Variants in ERBB4 observed in about 807,000 individuals in gnomAD.
ERBB4 encodes the protein erb-b2 receptor tyrosine kinase 4, also known as receptor tyrosine-protein kinase erbB-4.
A neutral mutation model predicts 158.0 loss-of-function variants in ERBB4; 42 were observed. That is an observed-to-expected ratio of 0.27 (90% CI 0.21 to 0.34). ERBB4 has a LOEUF of 0.34. Among genes scored for constraint, ERBB4 ranks in the 10% least tolerant of loss-of-function variants. ERBB4 has a pLI of 1.00. For synonymous variants in ERBB4, 583 were observed against 558.7 expected, an observed-to-expected ratio of 1.04 and a Z score of -0.61; for missense variants, 1,333 against 1,624.1, an observed-to-expected ratio of 0.82 and a Z score of 3.08.
chr2:212,522,538 G>A (rs566055798), intron 1 of ERBB4, among the ~76,000 whole-genome samples: 2 of 152,002 alleles, frequency 1.3e-5, no homozygotes, highest in African/African-American at 4.8e-5. Flanking sequence ...TCTGTATAGG[G>A]GTAAGAGCTT....
At chr2:211,904,774 A>G (rs1161084992) in intron 3 of ERBB4, among the ~76,000 whole-genome samples, 2 of 152,134 alleles carry the variant, frequency 1.3e-5, no homozygotes, top group African/African-American at 4.8e-5. Flanking sequence ...GTGGTCACTG[A>G]CCAACAGAGA....
At chr2:212,005,249 A>G (rs1245207799) in intron 2 of ERBB4, among the ~76,000 whole-genome samples, 2 of 152,132 alleles carry the variant, frequency 1.3e-5, no homozygotes, top group Non-Finnish European at 2.9e-5. Context: ...CATAAAGCAG[A>G]ACTCGAAATT....
At chr2:211,896,585 A>T (rs1216160385) in intron 3 of ERBB4, among the ~76,000 whole-genome samples, 2 of 152,172 alleles carry the variant, frequency 1.3e-5, no homozygotes, top group Non-Finnish European at 2.9e-5. Flanking sequence ...TCTCCACAGC[A>T]GCATAAAATA....
chr2:212,461,157 G>A (rs1270351003), intron 1 of ERBB4, among the ~76,000 whole-genome samples: 1 of 152,184 alleles, frequency 6.6e-6, no homozygotes, highest in Admixed American at 6.5e-5. Flanking sequence ...CCCTACTGGG[G>A]CACCACCTAG....
chr2:211,608,104 G>C (rs1349172564), intron 19 of ERBB4, among the ~76,000 whole-genome samples: 2 of 151,730 alleles, frequency 1.3e-5, no homozygotes, highest in Non-Finnish European at 2.9e-5. Context: ...TACACAGTTT[G>C]ATTTTCTAAT....
chr2:211,714,236 T>C (rs569218015), intron 7 of ERBB4, among the ~76,000 whole-genome samples: 1 of 152,338 alleles, frequency 6.6e-6, no homozygotes, highest in South Asian at 2.1e-4. Context: ...GGATTAAATG[T>C]CTAGCAGTCC....
chr2:212,194,747 C>A (rs1191919844), intron 1 of ERBB4, among the ~76,000 whole-genome samples: 1 of 151,816 alleles, frequency 6.6e-6, no homozygotes, highest in African/African-American at 2.4e-5. Flanking sequence ...TTTTTGCTGG[C>A]ATATCTGAAG....
At chr2:211,714,939 G>A (rs1040273468) in intron 7 of ERBB4, among the ~76,000 whole-genome samples, 21 of 152,104 alleles carry the variant, frequency 1.4e-4, no homozygotes, top group African/African-American at 5.1e-4. Context: ...CTGTGTGGGG[G>A]CTAAGAGAAG....
intron 25 of ERBB4, among the ~76,000 whole-genome samples, chr2:211,405,220 A>C (rs2063123067): frequency 6.6e-6 from 1 of 152,120 alleles, no homozygotes; most frequent in South Asian, 2.1e-4. Context: ...CCATATCACT[A>C]AATTGCCTCA....
chr2:212,247,142 A>C (rs548156783), intron 1 of ERBB4, among the ~76,000 whole-genome samples: 1 of 152,326 alleles, frequency 6.6e-6, no homozygotes, highest in East Asian at 1.9e-4. Flanking sequence ...GGCAAAATAG[A>C]GAATTATTGT....
At chr2:211,986,019 G>A (rs2081928088) in intron 2 of ERBB4, among the ~76,000 whole-genome samples, 2 of 152,298 alleles carry the variant, frequency 1.3e-5, no homozygotes, top group Admixed American at 1.3e-4. Flanking sequence ...CCTCCATCCA[G>A]TGATTTAGGT....
chr2:211,959,688 G>A (rs901622011), intron 2 of ERBB4, among the ~76,000 whole-genome samples: 7 of 151,978 alleles, frequency 4.6e-5, no homozygotes, highest in Non-Finnish European at 1.0e-4. Flanking sequence ...TTACTTGCAA[G>A]GTATAAAATA....
chr2:211,464,972 T>C (rs948364820), intron 20 of ERBB4, among the ~76,000 whole-genome samples: 2 of 77,610 alleles, frequency 2.6e-5, no homozygotes, highest in Middle Eastern at 8.6e-3. Flanking sequence ...CTTGTTTTTC[T>C]TTTTTTTTTC....
intron 25 of ERBB4, among the ~76,000 whole-genome samples, chr2:211,407,717 C>T (rs1020400717): frequency 2.6e-5 from 4 of 152,244 alleles, no homozygotes; most frequent in South Asian, 4.1e-4. Context: ...TGAATAAAAA[C>T]GACAGAACAC....
intron 3 of ERBB4, among the ~76,000 whole-genome samples, chr2:211,914,262 T>TA (rs2079624780): frequency 7.0e-6 from 1 of 143,800 alleles, no homozygotes; most frequent in Non-Finnish European, 1.5e-5. Flanking sequence ...TTTCTTTTTT[T>TA]TTTTTCAAAC....
chr2:211,593,206 G>GA (rs2068530178), intron 19 of ERBB4, among the ~76,000 whole-genome samples: 1 of 152,172 alleles, frequency 6.6e-6, no homozygotes, highest in Admixed American at 6.5e-5. Context: ...GATGGAACAA[G>GA]AAAGTAAAGT....
chr2:211,986,426 G>A (rs35850242), intron 2 of ERBB4, among the ~76,000 whole-genome samples: 19,799 of 152,116 alleles, frequency 0.13, 1,808 homozygotes, highest in East Asian at 0.31. Flanking sequence ...GTTAGAACTC[G>A]TATTAGAATC....
chr2:212,113,128 G>T (rs948227667), intron 2 of ERBB4, among the ~76,000 whole-genome samples: 10 of 152,094 alleles, frequency 6.6e-5, no homozygotes, highest in Admixed American at 3.9e-4. Context: ...GATCGAATTT[G>T]GGGGAGCATG....
intron 5 of ERBB4, among the ~76,000 whole-genome samples, chr2:211,742,716 C>A (rs2074837804): frequency 6.6e-6 from 1 of 151,756 alleles, no homozygotes; most frequent in African/African-American, 2.4e-5. Context: ...TCTAAATTTT[C>A]CTAGCATATT....
Sources: gnomAD v4.1 joint callset for allele counts (sites outside exome capture counted in the v4.1 genomes callset) on GRCh38, gnomAD v4.1.1 for gene constraint, MANE v1.5 for transcripts, NCBI Gene and HGNC (gene_info 2026-07-23, HGNC 2026-07-21) for gene names.